The following CLEC1A variants were observed in gnomAD, a reference collection of about 807,000 sequenced individuals.
CLEC1A encodes C-type lectin-like receptor-1.
Under a neutral mutation model 28.7 loss-of-function variants are expected in CLEC1A, and 34 were observed. The ratio of observed to expected loss-of-function variants is 1.18; its 90% CI spans 0.90 to 1.57. The LOEUF is 1.57. Ranked by LOEUF, CLEC1A falls within the 40% of genes most tolerant of loss-of-function variation. CLEC1A has a pLI of 0.00. For missense variants in CLEC1A, 385 were observed against 339.5 expected, an observed-to-expected ratio of 1.13 and a Z score of -1.05; for synonymous variants, 116 against 121.0, an observed-to-expected ratio of 0.96 and a Z score of 0.27.
At chr12:10,084,897 C>T (rs1866453777) in intron 2 of CLEC1A, among the ~76,000 whole-genome samples, 2 of 149,190 alleles carry the variant, frequency 1.3e-5, no homozygotes, top group South Asian at 2.1e-4. Flanking sequence ...TGAACACTTA[C>T]CAGATTAATA....
intron 2 of CLEC1A, among the ~76,000 whole-genome samples, chr12:10,082,572 T>G (rs1372114225): frequency 1.3e-5 from 2 of 152,180 alleles, no homozygotes; most frequent in Non-Finnish European, 2.9e-5. Context: ...TTTTTCTCTA[T>G]GCACCCTGGT....
At chr12:10,086,506 G>A (rs945233095) in intron 2 of CLEC1A, among the ~76,000 whole-genome samples, 10 of 152,018 alleles carry the variant, frequency 6.6e-5, no homozygotes, top group Non-Finnish European at 1.3e-4. Flanking sequence ...CAAATGAAAC[G>A]GGAGATGTTC....
Position 10,090,393 on chromosome 12 carries a change from G to A in CLEC1A, c.116-1171C>T, listed in dbSNP as rs138187892. Among the ~76,000 whole-genome samples the A allele has an allele frequency of 4.6e-5, 7 of 152,208 alleles. No homozygotes were observed. In the East Asian group the frequency reaches 1.4e-3, roughly 29 times the overall value. ...CAGCTCCTGAGGAGCCGGAACTACA[G>A]GCACGTGCCACCACGCCTGGCTAAT... On this transcript the variant is annotated intron_variant, in intron 1 of 5. Coordinates refer to ENST00000315330, the MANE Select transcript of CLEC1A (RefSeq NM_016511.4).
In CLEC1A at chr12:10,075,600, G is replaced by T. The variant is rs776713253; in HGVS notation, c.447C>A (p.Tyr149Ter). 6.2e-7 allele frequency: 1 copy of T among 1,614,024 alleles called. No homozygotes were observed. The highest frequency in any genetic ancestry group is 1.7e-5 in the Admixed American group (1 of 60,008). The part of the protein sequence containing the change: ...EQWKWHGDNC[Y>*]QFYKDSKSWE... ...AACTTTTGCTGTCTTTATAGAACTGGTAGCAATTGTCTCCATGCCATTTCC... is the reference window on the plus strand; with the variant it reads ...AACTTTTGCTGTCTTTATAGAACTGTTAGCAATTGTCTCCATGCCATTTCC... Residue 149 changes from tyrosine to a stop codon, truncating the protein, a stop_gained, in exon 4 of 6, where the codon TAC becomes TAA. Transcript: ENST00000315330. LOFTEE classifies it high-confidence loss of function.
chr12:10,091,169 C>G (rs1947698583), intron 1 of CLEC1A, among the ~76,000 whole-genome samples: 2 of 152,162 alleles, frequency 1.3e-5, no homozygotes, highest in South Asian at 4.1e-4. Flanking sequence ...TTCTTTTTGT[C>G]TGTCTCCTTT....
intron 3 of CLEC1A, among the ~76,000 whole-genome samples, chr12:10,081,031 G>C (rs1380210723): frequency 1.3e-5 from 2 of 152,160 alleles, no homozygotes; most frequent in African/African-American, 2.4e-5. Context: ...TAAAATGTCT[G>C]CATTTGAAGA....
Position 10,071,291 on chromosome 12 carries a change from A to G in CLEC1A, c.*42T>C, listed in dbSNP as rs1565596748. ...TGTCTCAACTAGCCCTTGCTTTGGC[A>G]CCGCCTGGCTCACTCTGCTATTTGT... is the stretch of plus-strand genomic sequence containing the variant. On this transcript the variant is annotated 3_prime_UTR_variant, in exon 6 of 6. Transcript: ENST00000315330. 1 of 1,580,526 alleles carries G rather than the reference A, an allele frequency of 6.3e-7. No individual in the cohort carries two copies. The highest frequency in any genetic ancestry group is 2.3e-5 in the East Asian group (1 of 44,388).
intron 1 of CLEC1A, chr12:10,092,308 C>T (rs968666295): frequency 2.9e-5 from 6 of 208,386 alleles, no homozygotes; most frequent in East Asian, 3.7e-4. Context: ...GCCAGGAGTT[C>T]GAGACCAGCC....
intron 1 of CLEC1A, among the ~76,000 whole-genome samples, chr12:10,095,400 A>C (rs1246265915): frequency 3.9e-5 from 6 of 152,044 alleles, no homozygotes; most frequent in Non-Finnish European, 1.5e-5. Context: ...CTCTCCTCTT[A>C]CTGTACTGTT....
chr12:10,094,469 G>C (rs1048567397), intron 1 of CLEC1A, among the ~76,000 whole-genome samples: 1 of 152,014 alleles, frequency 6.6e-6, no homozygotes, highest in African/African-American at 2.4e-5. Context: ...GAAAAAGAGA[G>C]AGAGAGAAAT....
At chr12:10,097,703 C>G (rs1459562123) in intron 1 of CLEC1A, among the ~76,000 whole-genome samples, 1 of 152,060 alleles carries the variant, frequency 6.6e-6, no homozygotes, top group East Asian at 1.9e-4. Context: ...TGGCTCCAGT[C>G]AAAGGTGGAA....
chr12:10,095,351 T>G (rs1265061339), intron 1 of CLEC1A, among the ~76,000 whole-genome samples: 3 of 109,700 alleles, frequency 2.7e-5, no homozygotes, highest in African/African-American at 7.5e-5. Flanking sequence ...TAAAATTTAG[T>G]CTCTGGCAGG....
intron 3 of CLEC1A, among the ~76,000 whole-genome samples, chr12:10,079,363 G>A (rs1317289537): frequency 6.6e-6 from 1 of 152,080 alleles, no homozygotes; most frequent in Non-Finnish European, 1.5e-5. Context: ...CCAAAAATAT[G>A]TAAGAATTTT....
chr12:10,090,252 G>A (rs1431372838), intron 1 of CLEC1A, among the ~76,000 whole-genome samples: 3 of 152,060 alleles, frequency 2.0e-5, no homozygotes, highest in African/African-American at 7.2e-5. Context: ...TTTCCTTCTA[G>A]CAAGGTCCTA....
intron 1 of CLEC1A, 53 bp from the exon 2 acceptor site, chr12:10,089,275 T>A: frequency 7.0e-7 from 1 of 1,436,408 alleles, no homozygotes; most frequent in Non-Finnish European, 9.8e-7. Context: ...CTCTTGCATC[T>A]AAGTCAATAA....
rs778406761 is a variant in CLEC1A, at chr12:10,075,490, C to T, written c.543+14G>A. 16 of 1,612,696 alleles carry T rather than the reference C, an allele frequency of 9.9e-6. No homozygotes were observed. Among genetic ancestry groups the T allele is most frequent in the African/African-American group, 4.0e-5 (3 of 74,788 alleles). Reference sequence around the variant, plus strand: ...TTGAAATCCTTCAAACATTGAAAAGCCTCAGAATCTTACCAGGTCTTCTTG... The same window carrying T: ...TTGAAATCCTTCAAACATTGAAAAGTCTCAGAATCTTACCAGGTCTTCTTG... On this transcript the variant is annotated intron_variant, in intron 4 of 5. Coordinates refer to ENST00000315330, the MANE Select transcript of CLEC1A (RefSeq NM_016511.4).
intron 2 of CLEC1A, among the ~76,000 whole-genome samples, chr12:10,086,107 A>C (rs761835427): frequency 1.3e-5 from 2 of 152,228 alleles, no homozygotes; most frequent in Non-Finnish European, 2.9e-5. Flanking sequence ...CAACGAAATC[A>C]AGATAGAGAT....
chr12:10,084,886 A>G (rs1282800197), intron 2 of CLEC1A, among the ~76,000 whole-genome samples: 2 of 151,522 alleles, frequency 1.3e-5, no homozygotes, highest in Non-Finnish European at 2.9e-5. Context: ...GTAATCTATA[A>G]TGAACACTTA....
At position 10,089,080 on chromosome 12, in the gene CLEC1A, A is replaced by T. The variant is rs1565606438; in HGVS notation, c.214+44T>A. 1.3e-5 allele frequency: 19 copies of T among 1,453,650 alleles called. No individual in the cohort carries two copies. In the South Asian group the frequency reaches 2.2e-4, roughly 17 times the overall value. The allele number at this position is 1,453,650 out of a possible 1,614,324, so 90.0% of individuals were successfully genotyped here. On this transcript the variant is annotated intron_variant, in intron 2 of 5. Coordinates refer to ENST00000315330, the MANE Select transcript of CLEC1A (RefSeq NM_016511.4). ...AACAAGTGTTTCTCATCCTAGACAA[A>T]CCTTGGAACCAGGATCCTCCCCCAG...
Sources: allele counts gnomAD v4.1 joint callset (sites outside exome capture counted in the v4.1 genomes callset), GRCh38; gene constraint gnomAD v4.1.1; transcripts MANE v1.5; gene names NCBI Gene and HGNC (gene_info 2026-07-23, HGNC 2026-07-21).